The following RBMS3 variants were observed in gnomAD, a reference collection of about 807,000 sequenced individuals.
RBMS3 encodes the protein RNA binding motif single stranded interacting protein 3.
Under a neutral mutation model 66.8 loss-of-function variants are expected in RBMS3, and 27 were observed. That is an observed-to-expected ratio of 0.40 (90% CI 0.30 to 0.56). The LOEUF (loss-of-function observed/expected upper bound fraction) is 0.56, where lower values mean the gene tolerates loss of function less well. Among genes scored for constraint, RBMS3 ranks in the 20% least tolerant of loss-of-function variants. The probability of loss-of-function intolerance (pLI) is 0.40; values close to 1 mark genes in which losing one functional copy is unlikely to be tolerated. For synonymous variants in RBMS3, 188 were observed against 183.0 expected (o/e 1.03, Z -0.22); for missense variants, 513 against 549.5 (o/e 0.93, Z 0.66).
chr3:29,283,876 G>A (rs2032034623), intron 1 of RBMS3, among the ~76,000 whole-genome samples: 1 of 152,104 alleles, frequency 6.6e-6, no homozygotes, highest in African/African-American at 2.4e-5. Flanking sequence ...GAGAAAATGT[G>A]CCCTGTTTTG....
At chr3:29,726,871 A>G (rs1245096110) in intron 4 of RBMS3, among the ~76,000 whole-genome samples, 3 of 152,224 alleles carry the variant, frequency 2.0e-5, no homozygotes, top group African/African-American at 7.2e-5. Context: ...AGTACTTTAA[A>G]TTTCATATAG....
At position 29,750,668 on chromosome 3, in the gene RBMS3, C is replaced by A. The variant is rs114427863; in HGVS notation, c.557+10791C>A. On this transcript the variant is annotated intron_variant, in intron 5 of 14. Transcript: ENST00000383767. ...ATCACCCATATATTAAGCCTAGTAC[C>A]CATTAGTTATTTTTCTGATCCTCTC... Among the ~76,000 whole-genome samples, 610 of 152,098 alleles carry A rather than the reference C, an allele frequency of 4.0e-3. 6 individuals are homozygous for A. Among genetic ancestry groups the A allele is most frequent in the African/African-American group, 0.013 (555 of 41,502 alleles).
At position 29,485,240 on chromosome 3, in the gene RBMS3, A is replaced by G. The variant is rs1391941722; in HGVS notation, c.249-3201A>G. Among the ~76,000 whole-genome samples, 3 of 152,234 alleles carry G rather than the reference A, an allele frequency of 2.0e-5. No homozygotes were observed. In the East Asian group the frequency reaches 5.8e-4, roughly 29 times the overall value. On this transcript the variant is annotated intron_variant, in intron 2 of 14. Coordinates refer to ENST00000383767, the MANE Select transcript of RBMS3 (RefSeq NM_001003793.3). ...CTGGCTATTTCTCTTAAAAAATTAAATATGAAAATTGTATTGACAAGCTAG... is the reference window on the plus strand; with the variant it reads ...CTGGCTATTTCTCTTAAAAAATTAAGTATGAAAATTGTATTGACAAGCTAG...
chr3:29,384,981 TA>T (rs2038947850), intron 1 of RBMS3, among the ~76,000 whole-genome samples: 1 of 151,974 alleles, frequency 6.6e-6, no homozygotes, highest in Admixed American at 6.5e-5. Context: ...CTCCTGAGGT[TA>T]AAAAAGAAAT....
chr3:29,527,092 A>G (rs913680361), intron 3 of RBMS3, among the ~76,000 whole-genome samples: 3 of 150,840 alleles, frequency 2.0e-5, no homozygotes, highest in African/African-American at 7.3e-5. Flanking sequence ...GAAATATTTA[A>G]AAGCGTTCTC....
At chr3:29,733,110 C>A (rs983675357) in intron 4 of RBMS3, among the ~76,000 whole-genome samples, 3 of 151,976 alleles carry the variant, frequency 2.0e-5, no homozygotes, top group African/African-American at 7.2e-5. Context: ...ATATTATTAT[C>A]TTTAGTCTAT....
intron 4 of RBMS3, 40 bp downstream of exon 4, chr3:29,587,245 TTTTTGTGTGTGTGTG>T: frequency 2.5e-6 from 2 of 803,848 alleles, no homozygotes; most frequent in Non-Finnish European, 3.5e-6. Flanking sequence ...TTTTTTTTTT[TTTTTGTGTGTGTGTG>T]TGTGTGTGTG....
At chr3:29,356,918 T>TA (rs1559512684) in intron 1 of RBMS3, among the ~76,000 whole-genome samples, 2 of 152,112 alleles carry the variant, frequency 1.3e-5, no homozygotes, top group Non-Finnish European at 2.9e-5. Flanking sequence ...TGGAAATTGA[T>TA]AAAAAGGGCA....
At chr3:29,963,126 C>T (rs1303324924) in intron 12 of RBMS3, among the ~76,000 whole-genome samples, 3 of 151,794 alleles carry the variant, frequency 2.0e-5, no homozygotes, top group African/African-American at 4.8e-5. Flanking sequence ...GTACTCAACA[C>T]AAAATTATAA....
intron 1 of RBMS3, among the ~76,000 whole-genome samples, chr3:29,403,852 C>T (rs2125671290): frequency 6.6e-6 from 1 of 152,012 alleles, no homozygotes; most frequent in Admixed American, 6.6e-5. Flanking sequence ...AAAATCCATC[C>T]CCAACACAGA....
At chr3:29,803,733 C>G (rs1438351149) in intron 6 of RBMS3, among the ~76,000 whole-genome samples, 1 of 151,890 alleles carries the variant, frequency 6.6e-6, no homozygotes, top group East Asian at 1.9e-4. Context: ...CATACACACA[C>G]ACATTTGAAC....
At chr3:29,948,712 G>A (rs1024199762) in intron 12 of RBMS3, among the ~76,000 whole-genome samples, 17 of 151,680 alleles carry the variant, frequency 1.1e-4, no homozygotes, top group African/African-American at 3.1e-4. Context: ...CTCAAATACC[G>A]TGCATTTATG....
intron 1 of RBMS3, among the ~76,000 whole-genome samples, chr3:29,428,717 G>T (rs1437427222): frequency 6.6e-6 from 1 of 151,956 alleles, no homozygotes; most frequent in East Asian, 1.9e-4. Flanking sequence ...CACACTAAAT[G>T]AATCAGCTGT....
intron 4 of RBMS3, among the ~76,000 whole-genome samples, chr3:29,589,883 A>G (rs1464360019): frequency 1.3e-5 from 2 of 152,058 alleles, no homozygotes; most frequent in East Asian, 1.9e-4. Context: ...TAGTTTCCCA[A>G]TAGTAACCTT....
chr3:29,382,780 G>A (rs2038824597), intron 1 of RBMS3, among the ~76,000 whole-genome samples: 1 of 152,110 alleles, frequency 6.6e-6, no homozygotes, highest in South Asian at 2.1e-4. Context: ...AACTAACAAA[G>A]TTGTTCTTTA....
chr3:29,329,545 A>G (rs79889949), intron 1 of RBMS3, among the ~76,000 whole-genome samples: 2 of 152,148 alleles, frequency 1.3e-5, no homozygotes, highest in African/African-American at 4.8e-5. Context: ...AGAATATCAT[A>G]TAGAAAACTG....
At chr3:29,901,397 T>C (rs1186476278) in intron 10 of RBMS3, among the ~76,000 whole-genome samples, 1 of 151,820 alleles carries the variant, frequency 6.6e-6, no homozygotes, top group Non-Finnish European at 1.5e-5. Context: ...CACCATCTCT[T>C]TGTGGCCAAA....
chr3:29,783,588 G>T (rs1559666962), intron 6 of RBMS3, among the ~76,000 whole-genome samples: 2 of 151,890 alleles, frequency 1.3e-5, no homozygotes, highest in Admixed American at 1.3e-4. Flanking sequence ...CACCAAAATA[G>T]AACCTCCATA....
intron 4 of RBMS3, among the ~76,000 whole-genome samples, chr3:29,589,285 C>T (rs750966033): frequency 6.6e-6 from 1 of 152,048 alleles, no homozygotes; most frequent in Admixed American, 6.6e-5. Context: ...GATATCTCAC[C>T]TAGTCAGAAG....
Sources: allele counts gnomAD v4.1 joint callset (sites outside exome capture counted in the v4.1 genomes callset), GRCh38; gene constraint gnomAD v4.1.1; transcripts MANE v1.5; gene names NCBI Gene and HGNC (gene_info 2026-07-23, HGNC 2026-07-21).